The following PDLIM3 variants were observed in gnomAD, a reference collection of about 807,000 sequenced individuals.
The protein encoded by PDLIM3 is PDZ and LIM domain protein 3.
Under a neutral mutation model 37.3 loss-of-function variants are expected in PDLIM3, and 36 were observed. That is an observed-to-expected ratio of 0.97 (90% CI 0.74 to 1.28). PDLIM3 has a LOEUF of 1.28. PDLIM3 is among the 50% of genes most tolerant of loss of function. The pLI, the probability that PDLIM3 is intolerant of heterozygous loss-of-function variation, is 0.00. For missense variants in PDLIM3, 454 were observed against 485.0 expected, an observed-to-expected ratio of 0.94 and a Z score of 0.60; for synonymous variants, 174 against 182.4, an observed-to-expected ratio of 0.95 and a Z score of 0.37.
chr4:185,508,568 T>A lies in PDLIM3; in HGVS notation c.399-6A>T. The A allele has an allele frequency of 6.2e-7, 1 of 1,613,612 alleles. No homozygotes were observed. The highest frequency in any genetic ancestry group is 8.5e-7 in the Non-Finnish European group (1 of 1,179,734). ...CGGAGGGAGTGCTGCATCCACTGTG[T>A]TAATGGATACACGTTACACAGAGAT... On this transcript the variant is annotated splice_region_variant and splice_polypyrimidine_tract_variant and intron_variant, in intron 4 of 7. Coordinates refer to ENST00000284767, the MANE Select transcript of PDLIM3 (RefSeq NM_014476.6).
In PDLIM3 at chr4:185,514,027, T is replaced by C; in HGVS notation, c.398+243A>G. On this transcript the variant is annotated intron_variant, in intron 4 of 7. Transcript: ENST00000284767. The surrounding 1 kb of genome is among the most constrained non-coding windows in gnomAD (Gnocchi z 4.0). ...CCCAGAGCCTCAGGGGTGTTCGCTA[T>C]AAATACACGTGGTGATTGCATACAA... 1 of 1,386,280 alleles carries C rather than the reference T, an allele frequency of 7.2e-7. No individual in the cohort carries two copies. Among genetic ancestry groups the C allele is most frequent in the Non-Finnish European group, 9.4e-7 (1 of 1,067,876 alleles). The allele number at this position is 1,386,280 out of a possible 1,614,324, so 85.9% of individuals were successfully genotyped here. A position where few individuals can be genotyped will look rare whatever the true frequency, so the allele number is the denominator to read the frequency against.
chr4:185,513,703 G>T (rs1561195263), intron 4 of PDLIM3: 1 of 1,010,708 alleles, frequency 9.9e-7, no homozygotes, highest in Non-Finnish European at 1.2e-6. Flanking sequence ...GGATGGAACA[G>T]AGGTTTCCTG....
At chr4:185,535,157 G>T (rs1333024125) in intron 1 of PDLIM3, among the ~76,000 whole-genome samples, 185 bp downstream of exon 1, 2 of 152,156 alleles carry the variant, frequency 1.3e-5, no homozygotes, top group Non-Finnish European at 2.9e-5. Flanking sequence ...GAGCCGCTCC[G>T]CAGCCACTTG....
intron 4 of PDLIM3, among the ~76,000 whole-genome samples, chr4:185,510,697 C>T (rs552371457): frequency 2.0e-5 from 3 of 152,250 alleles, no homozygotes; most frequent in African/African-American, 7.2e-5. Flanking sequence ...AGTTCAAACC[C>T]GTGTTCTCAG....
At chr4:185,525,445 C>A (rs575570484) in intron 1 of PDLIM3, among the ~76,000 whole-genome samples, 52 of 152,292 alleles carry the variant, frequency 3.4e-4, no homozygotes, top group Admixed American at 3.1e-3. Context: ...GTGAATCATA[C>A]ATTTTTTTGT....
chr4:185,525,458 T>TAAA (rs1478810630), intron 1 of PDLIM3, among the ~76,000 whole-genome samples: 1 of 152,232 alleles, frequency 6.6e-6, no homozygotes, highest in Non-Finnish European at 1.5e-5. Context: ...TTTTTTGTTT[T>TAAA]AAAAAATTAT....
intron 4 of PDLIM3, chr4:185,512,832 G>C (rs1464780040): frequency 1.0e-6 from 1 of 984,838 alleles, no homozygotes; most frequent in East Asian, 1.1e-4. Flanking sequence ...TTGTTATTGG[G>C]GTTGGGTTGG....
Position 185,514,888 on chromosome 4 carries a change from T to G in PDLIM3, c.331-551A>C, listed in dbSNP as rs181802236. On this transcript the variant is annotated intron_variant, in intron 3 of 7. Coordinates refer to ENST00000284767, the MANE Select transcript of PDLIM3 (RefSeq NM_014476.6). The surrounding 1 kb of genome is among the most constrained non-coding windows in gnomAD (Gnocchi z 4.0). ...TGTGCGCGGTACCAATGGGTTTGAA[T>G]TCCTGTACAATGGCAGACAAAATAC... 78 of 1,549,860 alleles carry G rather than the reference T, an allele frequency of 5.0e-5. No individual in the cohort carries two copies. The East Asian group carries it at 1.7e-3, about 33-fold the overall frequency.
In PDLIM3 at chr4:185,501,671, G is replaced by A. The variant is rs1293999665; in HGVS notation, c.*623C>T. On this transcript the variant is annotated 3_prime_UTR_variant, in exon 8 of 8. Transcript: ENST00000284767. ...CATTTATCTTAAAATATTTGTTAGT[G>A]TACATGTTAAAATATGATTGGGTTC... 6.5e-6 allele frequency: 1 copy of A among 154,308 alleles called. No individual in the cohort carries two copies. The highest frequency in any genetic ancestry group is 1.4e-5 in the Non-Finnish European group (1 of 69,452). The allele number at this position is 154,308 out of a possible 1,614,324, so 9.6% of individuals were successfully genotyped here.
At chr4:185,528,940 C>T (rs777839239) in intron 1 of PDLIM3, among the ~76,000 whole-genome samples, 1 of 152,160 alleles carries the variant, frequency 6.6e-6, no homozygotes, top group African/African-American at 2.4e-5. Flanking sequence ...TTATTATATT[C>T]TTTCCTTATT....
intron 1 of PDLIM3, among the ~76,000 whole-genome samples, chr4:185,533,170 G>T (rs548759798): frequency 6.6e-6 from 1 of 152,052 alleles, no homozygotes; most frequent in Non-Finnish European, 1.5e-5. Context: ...GCACATAAAA[G>T]GTTCCCATCA....
chr4:185,535,494 C>A lies in PDLIM3; in HGVS notation c.-60G>T. ...CCCCGCGCAGGGCAGCCACTCCGCGCCGGGCGGCGTCCTGGCCCCGACCCG... is the reference window on the plus strand; with the variant it reads ...CCCCGCGCAGGGCAGCCACTCCGCGACGGGCGGCGTCCTGGCCCCGACCCG... On this transcript the variant is annotated 5_prime_UTR_variant, in exon 1 of 8. Transcript: ENST00000284767. 6.9e-7 allele frequency: 1 copy of A among 1,449,076 alleles called. No individual in the cohort carries two copies. The highest frequency in any genetic ancestry group is 9.4e-7 in the Non-Finnish European group (1 of 1,067,668). The allele number at this position is 1,449,076 out of a possible 1,614,324, so 89.8% of individuals were successfully genotyped here.
chr4:185,508,829 A>G (rs2095702249), intron 4 of PDLIM3, among the ~76,000 whole-genome samples: 1 of 152,214 alleles, frequency 6.6e-6, no homozygotes, highest in African/African-American at 2.4e-5. Flanking sequence ...TCACTAGGCA[A>G]TGTGTAATTT....
chr4:185,506,981 T>C (rs541748816), intron 5 of PDLIM3: 155 of 256,272 alleles, frequency 6.0e-4, no homozygotes, highest in African/African-American at 3.1e-3. Context: ...TAATGATAGA[T>C]GTGAACAAAA....
Position 185,501,070 on chromosome 4 carries a change from G to C in PDLIM3, c.*1224C>G, listed in dbSNP as rs2095686440. 1 of 152,272 alleles carries C rather than the reference G, an allele frequency of 6.6e-6. No homozygotes were observed. The highest frequency in any genetic ancestry group is 1.5e-5 in the Non-Finnish European group (1 of 68,128). 9.4% of individuals were successfully genotyped at this position (152,272 alleles called of 1,614,324 possible). A position where few individuals can be genotyped will look rare whatever the true frequency, so the allele number is the denominator to read the frequency against. ...GGGACATGGAAAGTAGGTGAGAGAT[G>C]CAAGTCAGGAGCATTGCCATGGGCA... is the stretch of plus-strand genomic sequence containing the variant. On this transcript the variant is annotated 3_prime_UTR_variant, in exon 8 of 8. Coordinates refer to ENST00000284767, the MANE Select transcript of PDLIM3 (RefSeq NM_014476.6).
At chr4:185,516,951 G>A (rs1429328229) in intron 3 of PDLIM3, 1 of 152,208 alleles carries the variant, frequency 6.6e-6, no homozygotes, top group African/African-American at 2.4e-5. Context: ...ATGGCTCACA[G>A]CCAAGGAGTT....
intron 7 of PDLIM3, 143 bp from the exon 8 acceptor site, chr4:185,502,626 C>T (rs1041018963): frequency 2.7e-6 from 2 of 753,680 alleles, no homozygotes; most frequent in South Asian, 1.5e-5. Context: ...CAGGCACAGC[C>T]GTGAAACTGT....
At chr4:185,506,999 T>G in intron 5 of PDLIM3, 1 of 230,722 alleles carries the variant, frequency 4.3e-6, no homozygotes, top group Non-Finnish European at 8.8e-6. Context: ...AAATTAACTT[T>G]TCCCAGAGAA....
At chr4:185,534,225 T>C (rs111526459) in intron 1 of PDLIM3, among the ~76,000 whole-genome samples, 2 of 152,330 alleles carry the variant, frequency 1.3e-5, no homozygotes, top group African/African-American at 4.8e-5. Context: ...CCAAATCTCA[T>C]AGGCATATAT....
Sources: allele counts gnomAD v4.1 joint callset (sites outside exome capture counted in the v4.1 genomes callset), GRCh38; gene constraint gnomAD v4.1.1; non-coding constraint Gnocchi (gnomAD v3.1); transcripts MANE v1.5; gene names NCBI Gene and HGNC (gene_info 2026-07-23, HGNC 2026-07-21).